SNTG1: variants seen among roughly 807,000 people sequenced by gnomAD.
SNTG1 encodes syntrophin gamma 1.
A neutral mutation model predicts 74.7 loss-of-function variants in SNTG1; 39 were observed. That is an observed-to-expected ratio of 0.52 (90% confidence interval 0.40 to 0.68). The LOEUF (loss-of-function observed/expected upper bound fraction) is 0.68, where lower values mean the gene tolerates loss of function less well. SNTG1 is among the 30% of genes least tolerant of loss of function. SNTG1 has a pLI of 0.00. For synonymous variants in SNTG1, 254 were observed against 217.1 expected (o/e 1.17, Z -1.49); for missense variants, 685 against 609.5 (o/e 1.12, Z -1.30).
At chr8:50,084,346 A>T (rs1398281269) in intron 1 of SNTG1, among the ~76,000 whole-genome samples, 3 of 152,136 alleles carry the variant, frequency 2.0e-5, no homozygotes, top group African/African-American at 7.2e-5. Flanking sequence ...CTGTAGTCCC[A>T]GCTACTGGGG....
At chr8:50,560,242 G>A (rs1298882596) in intron 12 of SNTG1, among the ~76,000 whole-genome samples, 1 of 152,202 alleles carries the variant, frequency 6.6e-6, no homozygotes, top group Non-Finnish European at 1.5e-5. Context: ...AGGTTGCACA[G>A]AAAAAGGAAT....
At chr8:50,751,920 C>G (rs1005478656) in intron 17 of SNTG1, 81 bp from the exon 18 acceptor site, 15 of 784,076 alleles carry the variant, frequency 1.9e-5, no homozygotes, top group Non-Finnish European at 3.0e-5. Flanking sequence ...TTAACTTTTA[C>G]CATTTAAAAA....
intron 12 of SNTG1, among the ~76,000 whole-genome samples, chr8:50,586,500 C>T (rs2094648937): frequency 6.6e-6 from 1 of 152,070 alleles, no homozygotes; most frequent in African/African-American, 2.4e-5. Context: ...TGTTTGGATT[C>T]TGTAAAGGGG....
At chr8:50,186,113 C>T (rs1307624690) in intron 2 of SNTG1, among the ~76,000 whole-genome samples, 3 of 152,076 alleles carry the variant, frequency 2.0e-5, no homozygotes, top group Non-Finnish European at 2.9e-5. Context: ...TTTTCTGTTC[C>T]TGTGTTAGTT....
intron 15 of SNTG1, among the ~76,000 whole-genome samples, chr8:50,692,892 G>T (rs1563751080): frequency 6.6e-6 from 1 of 152,194 alleles, no homozygotes; most frequent in Non-Finnish European, 1.5e-5. Flanking sequence ...GCTGTGGTAG[G>T]CTCCACCCAG....
intron 1 of SNTG1, among the ~76,000 whole-genome samples, chr8:49,994,489 T>C (rs567294301): frequency 1.7e-4 from 26 of 150,864 alleles, no homozygotes; most frequent in Non-Finnish European, 3.7e-4. Flanking sequence ...GGTCTCAAAC[T>C]CTTGACCTCA....
intron 9 of SNTG1, among the ~76,000 whole-genome samples, chr8:50,508,722 C>A (rs1187286078): frequency 6.6e-6 from 1 of 152,140 alleles, no homozygotes; most frequent in Non-Finnish European, 1.5e-5. Context: ...TGTCTTCTTT[C>A]AAGAAGTATC....
intron 8 of SNTG1, among the ~76,000 whole-genome samples, chr8:50,495,048 A>G (rs2093891702): frequency 6.6e-6 from 1 of 152,120 alleles, no homozygotes; most frequent in South Asian, 2.1e-4. Context: ...TTGCATAATT[A>G]TACATTATTT....
At chr8:50,152,216 C>A (rs2082092613) in intron 1 of SNTG1, among the ~76,000 whole-genome samples, 1 of 152,154 alleles carries the variant, frequency 6.6e-6, no homozygotes, top group Non-Finnish European at 1.5e-5. Flanking sequence ...TTATCAGAGA[C>A]TGGGATTGCA....
chr8:50,442,781 A>G (rs779169172), intron 5 of SNTG1, among the ~76,000 whole-genome samples: 17 of 152,188 alleles, frequency 1.1e-4, no homozygotes, highest in South Asian at 2.1e-4. Flanking sequence ...AAGCTGGACA[A>G]AAGAACCACT....
intron 15 of SNTG1, among the ~76,000 whole-genome samples, chr8:50,701,726 TC>T (rs2095425655): frequency 8.9e-6 from 1 of 112,836 alleles, no homozygotes; most frequent in South Asian, 4.0e-4. Flanking sequence ...CTCTTTTTCT[TC>T]TTCTTTTTCT....
chr8:50,584,234 T>C (rs146296632), intron 12 of SNTG1, among the ~76,000 whole-genome samples: 7,534 of 139,642 alleles, frequency 0.054, 352 homozygotes, highest in African/African-American at 0.13. Flanking sequence ...AATAAATGTA[T>C]GTGTGCATGT....
intron 1 of SNTG1, among the ~76,000 whole-genome samples, chr8:50,035,232 G>A (rs1462068325): frequency 2.6e-5 from 4 of 152,116 alleles, no homozygotes; most frequent in Admixed American, 6.5e-5. Flanking sequence ...TAGAGTTGAT[G>A]GTATTTCTTG....
intron 1 of SNTG1, among the ~76,000 whole-genome samples, chr8:50,147,394 G>A (rs1181954166): frequency 6.6e-6 from 1 of 152,154 alleles, no homozygotes; most frequent in Non-Finnish European, 1.5e-5. Context: ...TGTAAAGTAA[G>A]CTAAAGACAA....
At chr8:50,202,937 C>CT (rs997175530) in intron 2 of SNTG1, among the ~76,000 whole-genome samples, 18 of 151,758 alleles carry the variant, frequency 1.2e-4, no homozygotes, top group African/African-American at 4.4e-4. Flanking sequence ...ATCTCAATGA[C>CT]TATTACTTCA....
chr8:50,077,958 GTATT>G (rs1294629414), intron 1 of SNTG1, among the ~76,000 whole-genome samples: 1 of 152,082 alleles, frequency 6.6e-6, no homozygotes. Context: ...TGTGATGTGT[GTATT>G]TATGTATGTG....
intron 2 of SNTG1, among the ~76,000 whole-genome samples, chr8:50,392,719 A>G (rs1563325392): frequency 6.6e-6 from 1 of 152,198 alleles, no homozygotes; most frequent in African/African-American, 2.4e-5. Flanking sequence ...GTTTTGATGA[A>G]AAAGAATAGA....
At chr8:50,034,806 A>G (rs1290384142) in intron 1 of SNTG1, among the ~76,000 whole-genome samples, 2 of 152,204 alleles carry the variant, frequency 1.3e-5, no homozygotes, top group African/African-American at 4.8e-5. Flanking sequence ...CCTGGGCCAC[A>G]TGCAGCCTGT....
chr8:50,554,435 C>A (rs77489239), intron 12 of SNTG1, among the ~76,000 whole-genome samples: 194 of 151,354 alleles, frequency 1.3e-3, no homozygotes, highest in African/African-American at 4.6e-3. Context: ...TTGGTTGATA[C>A]ATGTGGAAAT....
Sources: allele counts gnomAD v4.1 joint callset (sites outside exome capture counted in the v4.1 genomes callset), GRCh38; gene constraint gnomAD v4.1.1; transcripts MANE v1.5; gene names NCBI Gene and HGNC (gene_info 2026-07-23, HGNC 2026-07-21).